The following DMD variants were observed in gnomAD, a reference collection of about 807,000 sequenced individuals.
The protein encoded by DMD is dystrophin.
In DMD, 63 loss-of-function variants were observed where a neutral mutation model predicts 330.1. That is an observed-to-expected ratio of 0.19 (90% CI 0.16 to 0.24). The LOEUF is 0.24. Ranked by LOEUF, DMD falls within the 10% of genes least tolerant of loss-of-function variation. The pLI, the probability that DMD is intolerant of heterozygous loss-of-function variation, is 1.00. For synonymous variants in DMD, 1,223 were observed against 959.8 expected (o/e 1.27, Z -5.07); for missense variants, 3,344 against 2,684.1 (o/e 1.25, Z -5.43).
At chrX:32,903,540 T>C (rs924640152) in intron 2 of DMD, among the ~76,000 whole-genome samples, 2 of 111,561 alleles carry the variant, frequency 1.8e-5, no homozygotes, top group Admixed American at 1.9e-4. Context: ...CTTAAAATGC[T>C]CACTCCCAGT....
intron 44 of DMD, among the ~76,000 whole-genome samples, chrX:31,996,462 T>G (rs1430224621): frequency 1.8e-5 from 2 of 111,700 alleles, no homozygotes; most frequent in Admixed American, 1.9e-4. Flanking sequence ...ACAGAGAATG[T>G]TACACCCTTC....
intron 41 of DMD, among the ~76,000 whole-genome samples, chrX:32,336,160 T>C (rs968229317): frequency 9.1e-6 from 1 of 110,083 alleles, no homozygotes; most frequent in African/African-American, 3.3e-5. Context: ...GTTATCTGTG[T>C]GTGTATAACA....
At chrX:31,390,761 C>G (rs2060649387) in intron 60 of DMD, among the ~76,000 whole-genome samples, 1 of 112,089 alleles carries the variant, frequency 8.9e-6, no homozygotes, top group African/African-American at 3.2e-5. Flanking sequence ...TTTGCTTCTA[C>G]TCTTGCCACA....
At chrX:32,447,504 T>C (rs2098310444) in intron 27 of DMD, among the ~76,000 whole-genome samples, 1 of 111,613 alleles carries the variant, frequency 9.0e-6, no homozygotes, top group South Asian at 3.6e-4. Context: ...TGGGGTACTT[T>C]AGCTACAAAT....
intron 62 of DMD, among the ~76,000 whole-genome samples, chrX:31,282,545 T>C (rs1050051285): frequency 1.6e-4 from 17 of 106,813 alleles, no homozygotes; most frequent in Non-Finnish European, 2.7e-4. Flanking sequence ...CAAATATAAA[T>C]AGTAAAAAAA....
intron 55 of DMD, among the ~76,000 whole-genome samples, chrX:31,561,492 T>G (rs993059377): frequency 2.7e-5 from 3 of 112,032 alleles, no homozygotes; most frequent in African/African-American, 9.7e-5. Context: ...ACACATCATA[T>G]TACTCTGTTG....
At chrX:32,575,097 C>T (rs1463822234) in intron 13 of DMD, among the ~76,000 whole-genome samples, 2 of 110,548 alleles carry the variant, frequency 1.8e-5, no homozygotes, top group Non-Finnish European at 3.8e-5. Context: ...GGGGTTTCGC[C>T]ATCTTGGCCA....
At chrX:32,310,360 T>C (rs1164349093) in intron 41 of DMD, 84 bp from the exon 42 acceptor site, 3 of 770,841 alleles carry the variant, frequency 3.9e-6, no homozygotes, top group Admixed American at 2.6e-5. Context: ...GGTCTCATTC[T>C]ACAGCTGACA....
At chrX:32,716,154 T>A (rs957131006) in intron 7 of DMD, among the ~76,000 whole-genome samples, 1 of 111,442 alleles carries the variant, frequency 9.0e-6, no homozygotes, top group Admixed American at 9.5e-5. Flanking sequence ...GTATTTATTG[T>A]TTGAGTCATT....
At chrX:31,337,527 C>T (rs2057472123) in intron 61 of DMD, among the ~76,000 whole-genome samples, 1 of 112,171 alleles carries the variant, frequency 8.9e-6, no homozygotes, top group Non-Finnish European at 1.9e-5. Context: ...TGGAAAACAT[C>T]CAAATGGAAA....
intron 7 of DMD, among the ~76,000 whole-genome samples, chrX:32,757,048 A>C (rs2071592932): frequency 9.0e-6 from 1 of 111,242 alleles, no homozygotes; most frequent in Non-Finnish European, 1.9e-5. Flanking sequence ...TTTTTTTCTA[A>C]TTTCGAATTT....
chrX:32,319,336 ACTT>A, intron 41 of DMD, among the ~76,000 whole-genome samples: 1 of 111,288 alleles, frequency 9.0e-6, no homozygotes, highest in Non-Finnish European at 1.9e-5. Context: ...ACCCTAGCCA[ACTT>A]ATAAGGCAGC....
chrX:32,049,025 G>GAAAC (rs1334900771), intron 44 of DMD, among the ~76,000 whole-genome samples: 2 of 110,875 alleles, frequency 1.8e-5, no homozygotes, highest in African/African-American at 3.3e-5. Context: ...AGAACGAGAA[G>GAAAC]AAACAAACAA....
chrX:31,206,808 T>C (rs1351443638), intron 65 of DMD, 141 bp from the exon 66 acceptor site: 25 of 514,997 alleles, frequency 4.9e-5, no homozygotes, highest in Non-Finnish European at 7.5e-5. Context: ...GACCACTGTT[T>C]TATTAAGATT....
intron 16 of DMD, among the ~76,000 whole-genome samples, chrX:32,553,987 C>T (rs1318100650): frequency 2.7e-5 from 3 of 112,435 alleles, no homozygotes; most frequent in African/African-American, 9.7e-5. Context: ...GGGGCTTCAG[C>T]CATTCCACCC....
At chrX:32,343,931 T>C (rs1050248081) in intron 39 of DMD, among the ~76,000 whole-genome samples, 2 of 112,204 alleles carry the variant, frequency 1.8e-5, no homozygotes, top group Admixed American at 9.5e-5. Context: ...TGCTTCTCCT[T>C]CCAAGGCTTG....
At chrX:33,334,135 C>G (rs1356628165) in intron 1 of DMD, among the ~76,000 whole-genome samples, 1 of 111,453 alleles carries the variant, frequency 9.0e-6, no homozygotes, top group Non-Finnish European at 1.9e-5. Context: ...TCAAACTAGG[C>G]AGATATTATA....
At chrX:31,934,311 G>A (rs898320222) in intron 45 of DMD, among the ~76,000 whole-genome samples, 26 of 111,302 alleles carry the variant, frequency 2.3e-4, no homozygotes, top group Non-Finnish European at 2.8e-4. Context: ...CTGGTTATTG[G>A]ACTTATGCTT....
At position 32,472,212 on chromosome X, in the gene DMD, A is replaced by G; in HGVS notation, c.2901T>C (p.Leu967=). Reference sequence around the variant, plus strand: ...CCATGATTTCATAGTCGGTGACACTAAGTTGAGGTATGGAGAGTTTGGTTT... The same window carrying G: ...CCATGATTTCATAGTCGGTGACACTGAGTTGAGGTATGGAGAGTTTGGTTT... ...QSETKLSIPQ[L]SVTDYEIMEQ... The change falls in exon 22 of 79, where the codon CTT becomes CTC. Residue 967 remains leucine (L), a synonymous_variant. Coordinates refer to ENST00000357033, the MANE Select transcript of DMD (RefSeq NM_004006.3). 1 of 1,210,799 alleles carries G rather than the reference A, an allele frequency of 8.3e-7. No homozygotes were observed. The highest frequency in any genetic ancestry group is 1.1e-6 in the Non-Finnish European group (1 of 894,782).
Sources: gnomAD v4.1 joint callset for allele counts (sites outside exome capture counted in the v4.1 genomes callset) on GRCh38, gnomAD v4.1.1 for gene constraint, MANE v1.5 for transcripts, NCBI Gene and HGNC (gene_info 2026-07-23, HGNC 2026-07-21) for gene names.